The following ZEB1 variants were observed in gnomAD, a reference collection of about 807,000 sequenced individuals.
The protein encoded by ZEB1 is zinc finger E-box-binding homeobox 1.
A neutral mutation model predicts 84.9 loss-of-function variants in ZEB1; 21 were observed. That is an observed-to-expected ratio of 0.25 (90% CI 0.18 to 0.36). The LOEUF (loss-of-function observed/expected upper bound fraction) is 0.36. ZEB1 is among the 10% of genes least tolerant of loss of function. The pLI is 1.00. For missense variants in ZEB1, 1,104 were observed against 1,330.2 expected (o/e 0.83, Z 2.65); for synonymous variants, 420 against 471.1 (o/e 0.89, Z 1.41).
At chr10:31,404,603 AT>A (rs1440527992) in intron 1 of ZEB1, among the ~76,000 whole-genome samples, 12 of 152,134 alleles carry the variant, frequency 7.9e-5, no homozygotes, top group Non-Finnish European at 1.5e-4. Context: ...TCATCTTTGT[AT>A]GCATTTTATA....
chr10:31,462,214 T>C (rs990775876), intron 2 of ZEB1, among the ~76,000 whole-genome samples: 2 of 151,998 alleles, frequency 1.3e-5, no homozygotes, highest in African/African-American at 4.8e-5. Context: ...AGGCACAGAT[T>C]GGCAGAAGTT....
intron 2 of ZEB1, among the ~76,000 whole-genome samples, chr10:31,473,562 A>G (rs1357675050): frequency 6.6e-6 from 1 of 151,000 alleles, no homozygotes; most frequent in African/African-American, 2.4e-5. Flanking sequence ...ATAAAAGAGG[A>G]TACAAACAAA....
intron 1 of ZEB1, among the ~76,000 whole-genome samples, chr10:31,324,462 C>G (rs1417120222): frequency 6.6e-6 from 1 of 151,984 alleles, no homozygotes; most frequent in Non-Finnish European, 1.5e-5. Context: ...AACACAGATG[C>G]AGTATCATGT....
At chr10:31,470,803 C>T (rs2063132284) in intron 2 of ZEB1, among the ~76,000 whole-genome samples, 1 of 132,462 alleles carries the variant, frequency 7.5e-6, no homozygotes. Context: ...ATGTTAAGGG[C>T]AGCCAGAGAG....
intron 1 of ZEB1, among the ~76,000 whole-genome samples, chr10:31,379,544 A>G (rs1471985193): frequency 1.3e-5 from 2 of 152,028 alleles, no homozygotes; most frequent in African/African-American, 2.4e-5. Flanking sequence ...TAAATCTTTT[A>G]AAGCGTGGGT....
chr10:31,343,177 C>T (rs1342426700), intron 1 of ZEB1, among the ~76,000 whole-genome samples: 1 of 152,074 alleles, frequency 6.6e-6, no homozygotes, highest in Admixed American at 6.6e-5. Context: ...CTCTTGAGAG[C>T]TTTCTATGTT....
At chr10:31,372,633 T>C (rs1279974388) in intron 1 of ZEB1, among the ~76,000 whole-genome samples, 1 of 152,072 alleles carries the variant, frequency 6.6e-6, no homozygotes, top group African/African-American at 2.4e-5. Flanking sequence ...TAGTTGATGA[T>C]TTAATAAATA....
In ZEB1 at chr10:31,520,679, C is replaced by T; in HGVS notation, c.1347C>T (p.Pro449=). Residue 449 remains proline (P), a synonymous_variant, in exon 7 of 9, where the codon CCC becomes CCT. Coordinates refer to ENST00000424869, the MANE Select transcript of ZEB1 (RefSeq NM_001174096.2). The surrounding 1 kb of genome is among the most constrained non-coding windows in gnomAD (Gnocchi z 5.1). The part of the protein sequence containing the change: ...SKEQETINAS[P]IQQGGHSVIS... ...AACAAGAAACAATCAATGCTTCACC[C>T]ATACAACAAGGTGGCCATTCTGTTA... The T allele has an allele frequency of 1.2e-6, 2 of 1,614,082 alleles. No homozygotes were observed. Among genetic ancestry groups the T allele is most frequent in the Non-Finnish European group, 1.7e-6 (2 of 1,179,994 alleles).
intron 1 of ZEB1, among the ~76,000 whole-genome samples, chr10:31,398,439 A>G (rs1206045156): frequency 1.3e-5 from 2 of 152,002 alleles, no homozygotes; most frequent in African/African-American, 2.4e-5. Flanking sequence ...AATTGGGGCA[A>G]TTCTGCCTTC....
chr10:31,452,740 TGTGAGAGAGAGA>T (rs1235801441), intron 1 of ZEB1, among the ~76,000 whole-genome samples: 18 of 97,552 alleles, frequency 1.8e-4, no homozygotes, highest in African/African-American at 7.5e-4. Context: ...TGTGTGTGTG[TGTGAGAGAGAGA>T]GAGAGAGAGA....
chr10:31,449,823 A>G (rs963733423), intron 1 of ZEB1, among the ~76,000 whole-genome samples: 1 of 152,320 alleles, frequency 6.6e-6, no homozygotes, highest in African/African-American at 2.4e-5. Context: ...TACCAACAGT[A>G]TGTATCAAGA....
chr10:31,346,903 G>C (rs951697355), intron 1 of ZEB1, among the ~76,000 whole-genome samples: 9 of 152,106 alleles, frequency 5.9e-5, no homozygotes, highest in Admixed American at 5.2e-4. Context: ...AAGATTTACA[G>C]ATTTTTAAGT....
chr10:31,480,891 A>G (rs2064959870), intron 2 of ZEB1, among the ~76,000 whole-genome samples: 1 of 151,978 alleles, frequency 6.6e-6, no homozygotes, highest in Admixed American at 6.6e-5. Context: ...TACTGTTGGT[A>G]TTGTATTTTT....
chr10:31,321,284 T>C (rs2033971366), intron 1 of ZEB1: 9 of 1,353,530 alleles, frequency 6.6e-6, no homozygotes, highest in Non-Finnish European at 8.6e-6. Flanking sequence ...ATTATATTTT[T>C]AATATATTCG....
intron 1 of ZEB1, among the ~76,000 whole-genome samples, chr10:31,386,010 A>G (rs531934307): frequency 3.9e-5 from 6 of 152,312 alleles, no homozygotes; most frequent in Non-Finnish European, 8.8e-5. Context: ...ATAGAATGGC[A>G]TCTTCTGATT....
intron 1 of ZEB1, among the ~76,000 whole-genome samples, chr10:31,364,505 C>G (rs1446893636): frequency 6.6e-6 from 1 of 152,192 alleles, no homozygotes; most frequent in African/African-American, 2.4e-5. Context: ...TCGCGCCAGG[C>G]TTCCCCGGGG....
intron 1 of ZEB1, among the ~76,000 whole-genome samples, chr10:31,338,227 A>G (rs1255230086): frequency 6.6e-6 from 1 of 152,096 alleles, no homozygotes; most frequent in Non-Finnish European, 1.5e-5. Context: ...ATAACATTTC[A>G]TTTTAGAATA....
chr10:31,319,938 TTGTGCGCGCGTGTGCGCGGGCGCCGGC>T (rs1413114007), intron 1 of ZEB1: 34 of 145,602 alleles, frequency 2.3e-4, no homozygotes, highest in African/African-American at 7.8e-4. Context: ...TGCGTGGGGT[TTGTGCGCGCGTGTGCGCGGGCGCCGGC>T]TGTGCGCGCC....
Position 31,322,362 on chromosome 10 carries a change from T to G in ZEB1, c.58+3070T>G, listed in dbSNP as rs1428152562. 7.2e-5 allele frequency among the ~76,000 whole-genome samples: 11 copies of G among 152,258 alleles called. 1 individual carries two copies. Among genetic ancestry groups the G allele is most frequent in the Admixed American group, 4.6e-4 (7 of 15,288 alleles). On this transcript the variant is annotated intron_variant, in intron 1 of 8. Transcript: ENST00000424869. ...CAAATCTTTTTAATGAAGAAATATG[T>G]GATATATACAGTGGAAGATTGTCGT... is the stretch of plus-strand genomic sequence containing the variant.
Sources: allele counts gnomAD v4.1 joint callset (sites outside exome capture counted in the v4.1 genomes callset), GRCh38; gene constraint gnomAD v4.1.1; non-coding constraint Gnocchi (gnomAD v3.1); transcripts MANE v1.5; gene names NCBI Gene and HGNC (gene_info 2026-07-23, HGNC 2026-07-21).